The following PCCA variants were observed in gnomAD, a reference collection of about 807,000 sequenced individuals.
PCCA encodes the protein propionyl-CoA carboxylase subunit alpha.
PCCA carries 74 observed loss-of-function variants against 101.3 expected under a neutral mutation model. That is an observed-to-expected ratio of 0.73 (90% CI 0.61 to 0.89). The LOEUF (loss-of-function observed/expected upper bound fraction) is 0.89, where lower values mean the gene tolerates loss of function less well. Ranked by LOEUF, PCCA falls within the 40% of genes least tolerant of loss-of-function variation. The probability of loss-of-function intolerance (pLI) is 0.00; values close to 1 mark genes in which losing one functional copy is unlikely to be tolerated. For missense variants in PCCA, 891 were observed against 907.0 expected, an observed-to-expected ratio of 0.98 and a Z score of 0.23; for synonymous variants, 294 against 313.6, an observed-to-expected ratio of 0.94 and a Z score of 0.66.
At chr13:100,433,327 A>G (rs1461918745) in intron 20 of PCCA, among the ~76,000 whole-genome samples, 9 of 152,082 alleles carry the variant, frequency 5.9e-5, no homozygotes, top group African/African-American at 4.8e-5. Context: ...TAGCCATCCT[A>G]TTGGGGGTGA....
intron 1 of PCCA, among the ~76,000 whole-genome samples, chr13:100,090,393 T>G (rs969430734): frequency 3.9e-5 from 6 of 152,220 alleles, no homozygotes; most frequent in Admixed American, 1.3e-4. Context: ...CCACTTCAAT[T>G]GCAGCTGTAA....
intron 21 of PCCA, among the ~76,000 whole-genome samples, chr13:100,499,046 G>A (rs1269082743): frequency 1.3e-5 from 2 of 152,154 alleles, no homozygotes; most frequent in Non-Finnish European, 1.5e-5. Flanking sequence ...GTCAATTCAC[G>A]TTATTGTGGA....
At chr13:100,151,014 A>T (rs574075534) in intron 4 of PCCA, 15 of 1,546,030 alleles carry the variant, frequency 9.7e-6, no homozygotes, top group Middle Eastern at 4.3e-4. Flanking sequence ...CGGTACTGCC[A>T]GCAGCGGACC....
At chr13:100,332,739 CATATA>C (rs999820000) in intron 17 of PCCA, among the ~76,000 whole-genome samples, 9 of 152,140 alleles carry the variant, frequency 5.9e-5, no homozygotes, top group African/African-American at 2.2e-4. Flanking sequence ...TTCTGTGATG[CATATA>C]ATATATTACA....
At chr13:100,268,823 A>G in intron 11 of PCCA, 40 bp downstream of exon 11, 1 of 1,308,702 alleles carries the variant, frequency 7.6e-7, no homozygotes, top group Non-Finnish European at 1.1e-6. Flanking sequence ...GGCTGCTTTT[A>G]TGCATTTCAT....
intron 8 of PCCA, among the ~76,000 whole-genome samples, chr13:100,251,056 G>A (rs190924431): frequency 3.3e-5 from 5 of 152,248 alleles, no homozygotes; most frequent in African/African-American, 1.2e-4. Context: ...TTGGATGGGG[G>A]CAACTGTAGT....
intron 18 of PCCA, among the ~76,000 whole-genome samples, chr13:100,359,562 T>C (rs1223823895): frequency 6.6e-6 from 1 of 152,156 alleles, no homozygotes; most frequent in Non-Finnish European, 1.5e-5. Context: ...AAATTAAAGT[T>C]CCACTTAACA....
intron 7 of PCCA, among the ~76,000 whole-genome samples, chr13:100,213,171 C>T (rs1191091533): frequency 6.6e-6 from 1 of 152,114 alleles, no homozygotes; most frequent in Non-Finnish European, 1.5e-5. Flanking sequence ...CAAATGTTGG[C>T]TATTGTGGAT....
At position 100,530,103 on chromosome 13, in the gene PCCA, A is replaced by C; in HGVS notation, c.2124A>C (p.Lys708Asn). The change falls in exon 24 of 24, where the codon AAA (lysine) becomes AAC (asparagine). Residue 708 changes from lysine (K) to asparagine (N), a missense_variant. Transcript: ENST00000376285. ...TGCATTTTTCAAAATTCAAGGTGAAATCTGTGCACTGTCAAGCTGGAGACA... is the reference window on the plus strand; with the variant it reads ...TGCATTTTTCAAAATTCAAGGTGAACTCTGTGCACTGTCAAGCTGGAGACA... ...SMTAGKTGTV[K>N]SVHCQAGDTV... 6.2e-7 allele frequency: 1 copy of C among 1,613,908 alleles called. No individual in the cohort carries two copies. Among genetic ancestry groups the C allele is most frequent in the Non-Finnish European group, 8.5e-7 (1 of 1,179,812 alleles).
chr13:100,326,715 A>T (rs1320440402), intron 16 of PCCA, among the ~76,000 whole-genome samples: 2 of 151,956 alleles, frequency 1.3e-5, no homozygotes, highest in Non-Finnish European at 2.9e-5. Context: ...CCTGAAGAGG[A>T]GGAGGAAGAC....
chr13:100,273,234 A>T lies in PCCA; in HGVS notation c.953A>T (p.Glu318Val). ...GCGGAGACTCGAAGAGCGATGGGAG[A>T]ACAAGCTGTAGCTCTTGCCAGAGCA... Reference protein sequence around the residue: ...LDAETRRAMGEQAVALARAVK... With the variant: ...LDAETRRAMGVQAVALARAVK... The change falls in exon 12 of 24, where the codon GAA becomes GTA. Residue 318 changes from glutamate to valine, a missense_variant. Glu to Val is a moderately radical substitution (Grantham distance 121). Transcript: ENST00000376285. 1 of 1,612,772 alleles carries T rather than the reference A, an allele frequency of 6.2e-7. No homozygotes were observed. The highest frequency in any genetic ancestry group is 8.5e-7 in the Non-Finnish European group (1 of 1,178,788).
intron 21 of PCCA, among the ~76,000 whole-genome samples, chr13:100,480,601 G>T (rs1324244124): frequency 6.6e-6 from 1 of 152,148 alleles, no homozygotes; most frequent in Admixed American, 6.5e-5. Flanking sequence ...AGAACCTTTT[G>T]TTCCTAGAGG....
At chr13:100,258,028 A>C (rs1487340650) in intron 9 of PCCA, among the ~76,000 whole-genome samples, 2 of 152,232 alleles carry the variant, frequency 1.3e-5, no homozygotes, top group African/African-American at 4.8e-5. Flanking sequence ...TAAATCAACT[A>C]TATTTAAAAG....
intron 18 of PCCA, among the ~76,000 whole-genome samples, chr13:100,362,630 T>G (rs1459920835): frequency 6.6e-6 from 1 of 152,110 alleles, no homozygotes; most frequent in Non-Finnish European, 1.5e-5. Context: ...GTGTCTAAAT[T>G]GAGAACCTTA....
chr13:100,484,496 C>G (rs569943421), intron 21 of PCCA, among the ~76,000 whole-genome samples: 99 of 152,328 alleles, frequency 6.5e-4, no homozygotes, highest in Non-Finnish European at 1.0e-3. Context: ...CCTCTGCACT[C>G]CCATTCTAGA....
At chr13:100,152,301 A>G (rs2053421520) in intron 4 of PCCA, among the ~76,000 whole-genome samples, 1 of 151,706 alleles carries the variant, frequency 6.6e-6, no homozygotes, top group African/African-American at 2.4e-5. Flanking sequence ...TGTAAAGTCC[A>G]TAGCAGTTTT....
chr13:100,393,260 A>G (rs542058357), intron 19 of PCCA, among the ~76,000 whole-genome samples: 2 of 152,298 alleles, frequency 1.3e-5, no homozygotes, highest in African/African-American at 4.8e-5. Flanking sequence ...CTAACACCAC[A>G]TTATCCTGTT....
intron 7 of PCCA, among the ~76,000 whole-genome samples, chr13:100,215,232 C>T (rs139011472): frequency 6.6e-6 from 1 of 152,322 alleles, no homozygotes; most frequent in East Asian, 1.9e-4. Context: ...CTACACTTAA[C>T]TCATCACATT....
chr13:100,117,257 C>T (rs1007258233), intron 4 of PCCA, among the ~76,000 whole-genome samples: 1 of 151,902 alleles, frequency 6.6e-6, no homozygotes, highest in Admixed American at 6.6e-5. Context: ...TTTTCTGAAG[C>T]ATTTCTTCAA....
Sources: gnomAD v4.1 joint callset for allele counts (sites outside exome capture counted in the v4.1 genomes callset) on GRCh38, gnomAD v4.1.1 for gene constraint, MANE v1.5 for transcripts, NCBI Gene and HGNC (gene_info 2026-07-23, HGNC 2026-07-21) for gene names.